The following GNE variants were observed in gnomAD, a reference collection of about 807,000 sequenced individuals.
GNE encodes the protein glucosamine (UDP-N-acetyl)-2-epimerase/N-acetylmannosamine kinase.
In GNE, 41 loss-of-function variants were observed where a neutral mutation model predicts 61.8. The ratio of observed to expected loss-of-function variants is 0.66; its 90% confidence interval spans 0.52 to 0.86. The LOEUF (loss-of-function observed/expected upper bound fraction) is 0.86, where lower values mean the gene tolerates loss of function less well. GNE is among the 40% of genes least tolerant of loss of function. The probability of loss-of-function intolerance (pLI) is 0.00; values close to 1 mark genes in which losing one functional copy is unlikely to be tolerated. For synonymous variants in GNE, 264 were observed against 326.4 expected (o/e 0.81, Z 2.06); for missense variants, 608 against 909.1 (o/e 0.67, Z 4.26).
intron 3 of GNE, among the ~76,000 whole-genome samples, chr9:36,239,217 C>CT (rs1206365316): frequency 2.6e-5 from 4 of 151,954 alleles, no homozygotes; most frequent in Non-Finnish European, 5.9e-5. Context: ...TATATGGGCT[C>CT]TTTTTTGGTT....
chr9:36,224,863 C>T (rs1232392156), intron 7 of GNE, among the ~76,000 whole-genome samples: 4 of 152,168 alleles, frequency 2.6e-5, no homozygotes, highest in African/African-American at 9.7e-5. Context: ...GAGTGAAACC[C>T]TGTCTCAAAA....
intron 1 of GNE, chr9:36,265,662 C>T (rs1830752488): frequency 1.0e-5 from 3 of 300,712 alleles, no homozygotes; most frequent in Middle Eastern, 2.5e-3. Context: ...CTTTTTGGCA[C>T]CAGGGACTGG....
chr9:36,220,027 C>G lies in GNE; in HGVS notation c.1634-7G>C, dbSNP rs139442869. The G allele has an allele frequency of 1.2e-6, 2 of 1,612,494 alleles. No homozygotes were observed. The highest frequency in any genetic ancestry group is 2.7e-5 in the African/African-American group (2 of 74,972). On this transcript the variant is annotated splice_polypyrimidine_tract_variant and splice_region_variant and intron_variant, in intron 9 of 11. Transcript: ENST00000642385. Reference sequence around the variant, plus strand: ...ATAATTCCACCACCGATTCCTACAGCGAGGGATAGAAATCACTGAGGGTGC... The same window carrying G: ...ATAATTCCACCACCGATTCCTACAGGGAGGGATAGAAATCACTGAGGGTGC...
At chr9:36,228,484 A>G (rs1292627347) in intron 6 of GNE, among the ~76,000 whole-genome samples, 3 of 152,076 alleles carry the variant, frequency 2.0e-5, no homozygotes, top group African/African-American at 7.2e-5. Context: ...AAAGTGTTGT[A>G]TTAATTAAGA....
intron 1 of GNE, among the ~76,000 whole-genome samples, chr9:36,270,085 C>A (rs965691869): frequency 6.6e-6 from 1 of 152,050 alleles, no homozygotes; most frequent in African/African-American, 2.4e-5. Context: ...CCCCAGCATC[C>A]CAAGTAGCTG....
chr9:36,257,303 G>C (rs1310883813), intron 1 of GNE, among the ~76,000 whole-genome samples: 1 of 152,008 alleles, frequency 6.6e-6, no homozygotes, highest in African/African-American at 2.4e-5. Context: ...AATGAGGATG[G>C]GACTCAAAGG....
chr9:36,267,488 G>A (rs1830848168), intron 1 of GNE, among the ~76,000 whole-genome samples: 1 of 151,988 alleles, frequency 6.6e-6, no homozygotes, highest in African/African-American at 2.4e-5. Context: ...CCTGAGGTCA[G>A]GAGTTTGAGA....
chr9:36,258,510 G>A (rs530818412), upstream of GNE: 79 of 985,530 alleles, frequency 8.0e-5, no homozygotes, highest in African/African-American at 1.2e-3. Flanking sequence ...CCGGAGTGCC[G>A]AATCCGCGAT....
At chr9:36,253,182 G>A (rs559927164) in intron 1 of GNE, among the ~76,000 whole-genome samples, 1 of 151,422 alleles carries the variant, frequency 6.6e-6, no homozygotes, top group South Asian at 2.1e-4. Context: ...TATATGATGT[G>A]TATATATATG....
At position 36,218,039 on chromosome 9, in the gene GNE, C is replaced by A; in HGVS notation, c.1933+144G>T. ...CTTGAATCCAATTCCCTTTTTACCT[C>A]TGAGTAATTAGGAAAGAAACCTCTG... On this transcript the variant is annotated intron_variant, in intron 11 of 11. Transcript: ENST00000642385. The surrounding 1 kb of genome is among the most constrained non-coding windows in gnomAD (Gnocchi z 4.1). 1.3e-6 allele frequency: 1 copy of A among 764,726 alleles called. No individual in the cohort carries two copies. The highest frequency in any genetic ancestry group is 2.4e-6 in the Non-Finnish European group (1 of 417,278). The allele number at this position is 764,726 out of a possible 1,614,324, so 47.4% of individuals were successfully genotyped here. A position where few individuals can be genotyped will look rare whatever the true frequency, so the allele number is the denominator to read the frequency against.
intron 1 of GNE, among the ~76,000 whole-genome samples, chr9:36,255,249 C>T (rs552798030): frequency 6.6e-6 from 1 of 152,144 alleles, no homozygotes; most frequent in African/African-American, 2.4e-5. Flanking sequence ...ACTCTGTTGC[C>T]CAGGCTGGAG....
chr9:36,239,359 T>C (rs1829537958), intron 3 of GNE, among the ~76,000 whole-genome samples: 1 of 152,140 alleles, frequency 6.6e-6, no homozygotes, highest in Non-Finnish European at 1.5e-5. Context: ...TACCCATCCA[T>C]GAGTATGGGA....
chr9:36,223,351 GA>G, intron 8 of GNE, 21 bp downstream of exon 8: 1 of 1,602,986 alleles, frequency 6.2e-7, no homozygotes, highest in East Asian at 2.2e-5. Flanking sequence ...GCATTTCTTG[GA>G]TTTATAATTT....
At chr9:36,242,287 C>CAA (rs201582112) in intron 3 of GNE, among the ~76,000 whole-genome samples, 123 of 145,336 alleles carry the variant, frequency 8.5e-4, no homozygotes, top group African/African-American at 1.6e-3. Context: ...GTTTAAAGAC[C>CAA]AAAAAAAAAA....
chr9:36,216,429 G>A lies in GNE; in HGVS notation c.*936C>T, dbSNP rs56974443. On this transcript the variant is annotated 3_prime_UTR_variant, in exon 12 of 12. Transcript: ENST00000642385. ...CGGCTCACTGCAACCTCCGCCTCCC[G>A]GGTTCAAGCAATTCTCCTGCCTCAG... 128,414 of 299,496 alleles carry A rather than the reference G, an allele frequency of 0.43. 30,133 individuals carry two copies. Among genetic ancestry groups the A allele is most frequent in the Non-Finnish European group, 0.52 (72,927 of 141,186 alleles). The allele number at this position is 299,496 out of a possible 1,614,324, so 18.6% of individuals were successfully genotyped here. A position where few individuals can be genotyped will look rare whatever the true frequency, so the allele number is the denominator to read the frequency against.
At chr9:36,252,897 G>A (rs976403335) in intron 1 of GNE, among the ~76,000 whole-genome samples, 3 of 152,048 alleles carry the variant, frequency 2.0e-5, no homozygotes, top group Non-Finnish European at 4.4e-5. Flanking sequence ...TATGGCTCAC[G>A]CCTGTAATCC....
chr9:36,220,053 T>C, intron 9 of GNE, 33 bp from the exon 10 acceptor site: 1 of 1,575,060 alleles, frequency 6.3e-7, no homozygotes, highest in Non-Finnish European at 8.7e-7. Context: ...CTGAGGGTGC[T>C]TTACCTGAAA....
At chr9:36,227,981 C>T (rs1470061487) in intron 6 of GNE, among the ~76,000 whole-genome samples, 38 of 143,400 alleles carry the variant, frequency 2.6e-4, no homozygotes, top group Admixed American at 4.4e-4. Context: ...TGCAGTGAGT[C>T]GAGATCGCAC....
Position 36,246,385 on chromosome 9 carries a change from C to T in GNE, c.262G>A (p.Val88Ile). The stretch of plus-strand genomic sequence containing the variant: ...GGCAGCTTCACTAGGGCCAGGCCTA[C>T]TGACTCCACCATGGCTGCCTCATCT... ...GEDEAAMVES[V>I]GLALVKLPDV... Residue 88 changes from valine to isoleucine, a missense_variant, in exon 3 of 12, where the codon GTA (valine) becomes ATA (isoleucine). Val to Ile is a conservative substitution (Grantham distance 29). Coordinates refer to ENST00000642385, the MANE Select transcript of GNE (RefSeq NM_005476.7). The T allele has an allele frequency of 1.9e-6, 3 of 1,613,578 alleles. No homozygotes were observed. Among genetic ancestry groups the T allele is most frequent in the East Asian group, 2.2e-5 (1 of 44,868 alleles).
Sources: gnomAD v4.1 joint callset for allele counts (sites outside exome capture counted in the v4.1 genomes callset) on GRCh38, gnomAD v4.1.1 for gene constraint, Gnocchi (gnomAD v3.1) non-coding constraint, MANE v1.5 for transcripts, NCBI Gene and HGNC (gene_info 2026-07-23, HGNC 2026-07-21) for gene names.